Variants in ARHGEF4 observed in about 807,000 individuals in gnomAD.
ARHGEF4 encodes the protein APC-stimulated guanine nucleotide exchange factor 1.
In ARHGEF4, 119 loss-of-function variants were observed where a neutral mutation model predicts 162.0. The ratio of observed to expected loss-of-function variants is 0.73; its 90% confidence interval spans 0.63 to 0.86. The LOEUF is 0.86. ARHGEF4 is among the 40% of genes least tolerant of loss of function. The pLI is 0.00. For synonymous variants in ARHGEF4, 1,014 were observed against 979.9 expected (o/e 1.03, Z -0.65); for missense variants, 2,488 against 2,456.0 (o/e 1.01, Z -0.28).
chr2:130,962,594 T>C (rs1189383365), intron 4 of ARHGEF4, among the ~76,000 whole-genome samples: 2 of 152,036 alleles, frequency 1.3e-5, no homozygotes, highest in African/African-American at 4.8e-5. Flanking sequence ...GGAGCACATA[T>C]AGCTTCCGGA....
In ARHGEF4 at chr2:130,871,596, T is replaced by TAC. The variant is rs10585458; in HGVS notation, c.39+34619_39+34620dup. Among the ~76,000 whole-genome samples, 84 of 149,484 alleles carry TAC rather than the reference T, an allele frequency of 5.6e-4. 1 individual carries two copies. Among genetic ancestry groups the TAC allele is most frequent in the East Asian group, 1.6e-3 (8 of 5,106 alleles). Reference sequence around the variant, plus strand: ...ATATATACATACATATATATATGCATACACACACACACACACCTGCTTTCA... The same window carrying TAC: ...ATATATACATACATATATATATGCATACACACACACACACACACCTGCTTTCA... On this transcript the variant is annotated intron_variant, in intron 1 of 13. Coordinates refer to ENST00000409359, the MANE Select transcript of ARHGEF4 (RefSeq NM_001367493.1).
intron 1 of ARHGEF4, among the ~76,000 whole-genome samples, chr2:130,867,924 T>C (rs35171078): frequency 1.4e-5 from 2 of 144,012 alleles, no homozygotes; most frequent in South Asian, 2.2e-4. Flanking sequence ...TGTTTTTTTC[T>C]TTTTTTTTTT....
intron 1 of ARHGEF4, among the ~76,000 whole-genome samples, chr2:130,852,773 G>C (rs1055695670): frequency 6.6e-6 from 1 of 152,230 alleles, no homozygotes; most frequent in African/African-American, 2.4e-5. Context: ...TGGGGAGACA[G>C]TGAGATGCAG....
intron 5 of ARHGEF4, among the ~76,000 whole-genome samples, chr2:131,033,576 G>C (rs749199860): frequency 6.6e-6 from 1 of 152,184 alleles, no homozygotes; most frequent in Non-Finnish European, 1.5e-5. Flanking sequence ...GCATCCACAC[G>C]TCAGGGGTTC....
intron 4 of ARHGEF4, among the ~76,000 whole-genome samples, chr2:130,976,093 T>C (rs2105234657): frequency 6.6e-6 from 1 of 152,276 alleles, no homozygotes; most frequent in South Asian, 2.1e-4. Flanking sequence ...CTCCAGTCTC[T>C]GTGAAACAAG....
intron 4 of ARHGEF4, among the ~76,000 whole-genome samples, chr2:130,988,505 A>G (rs1166007489): frequency 6.6e-6 from 1 of 152,238 alleles, no homozygotes; most frequent in African/African-American, 2.4e-5. Flanking sequence ...TTTTACCAAA[A>G]AAATCATTCC....
chr2:130,976,320 C>A (rs917346248), intron 4 of ARHGEF4, among the ~76,000 whole-genome samples: 1 of 147,220 alleles, frequency 6.8e-6, no homozygotes, highest in South Asian at 2.2e-4. Flanking sequence ...AAAACTCATT[C>A]GGCCCCAGAA....
At chr2:130,922,254 G>A (rs936022439) in intron 2 of ARHGEF4, among the ~76,000 whole-genome samples, 4 of 151,428 alleles carry the variant, frequency 2.6e-5, no homozygotes, top group Admixed American at 6.6e-5. Flanking sequence ...GCATATAATC[G>A]CAGCTAGTTG....
intron 4 of ARHGEF4, among the ~76,000 whole-genome samples, chr2:130,970,680 T>C (rs567701885): frequency 6.6e-6 from 1 of 152,246 alleles, no homozygotes; most frequent in East Asian, 1.9e-4. Flanking sequence ...CTCCTAATGC[T>C]GAGCATCTTT....
intron 1 of ARHGEF4, among the ~76,000 whole-genome samples, chr2:130,893,703 C>G (rs1679992065): frequency 6.6e-6 from 1 of 152,176 alleles, no homozygotes; most frequent in Non-Finnish European, 1.5e-5. Flanking sequence ...TGGAGTTGAA[C>G]AAGGAGGAGA....
chr2:130,999,184 A>G (rs1216164896), intron 4 of ARHGEF4, among the ~76,000 whole-genome samples: 2 of 136,460 alleles, frequency 1.5e-5, no homozygotes, highest in Admixed American at 8.0e-5. Context: ...TTTGAGACGG[A>G]GTCTCGCTCT....
intron 1 of ARHGEF4, among the ~76,000 whole-genome samples, chr2:130,864,201 GAA>G (rs56982493): frequency 2.0e-5 from 2 of 101,608 alleles, no homozygotes; most frequent in African/African-American, 3.3e-5. Flanking sequence ...AAGAAAGAAA[GAA>G]AAAAAAAAAA....
chr2:130,979,455 G>A (rs1685967064), intron 4 of ARHGEF4, among the ~76,000 whole-genome samples: 1 of 152,132 alleles, frequency 6.6e-6, no homozygotes, highest in African/African-American at 2.4e-5. Context: ...CTTGAAATTG[G>A]CCAGGCGTGA....
chr2:130,901,232 G>T (rs554286354), intron 1 of ARHGEF4, among the ~76,000 whole-genome samples: 2 of 152,184 alleles, frequency 1.3e-5, no homozygotes, highest in African/African-American at 2.4e-5. Context: ...GCTGCTGGGT[G>T]GAGGGCCAGG....
At chr2:131,023,548 A>G (rs1689283320) in intron 4 of ARHGEF4, among the ~76,000 whole-genome samples, 1 of 152,264 alleles carries the variant, frequency 6.6e-6, no homozygotes, top group Non-Finnish European at 1.5e-5. Context: ...AATTGACACC[A>G]TGATGAGATA....
At chr2:131,035,359 C>T (rs1232231358) in intron 5 of ARHGEF4, 2 of 1,044,038 alleles carry the variant, frequency 1.9e-6, no homozygotes, top group Non-Finnish European at 2.4e-6. Context: ...GGAGGGAAGG[C>T]CTCCTTCCAC....
At chr2:130,867,799 T>A (rs1682389087) in intron 1 of ARHGEF4, among the ~76,000 whole-genome samples, 1 of 152,172 alleles carries the variant, frequency 6.6e-6, no homozygotes, top group African/African-American at 2.4e-5. Flanking sequence ...ATCCTTCACG[T>A]TCCAGCCTTC....
intron 4 of ARHGEF4, among the ~76,000 whole-genome samples, chr2:130,992,350 C>T (rs1298627077): frequency 1.3e-5 from 2 of 151,568 alleles, no homozygotes; most frequent in African/African-American, 4.8e-5. Context: ...CTTGCTACTG[C>T]TCACTCTTTG....
chr2:130,934,110 G>A (rs560174346), intron 3 of ARHGEF4, among the ~76,000 whole-genome samples: 40 of 152,296 alleles, frequency 2.6e-4, no homozygotes, highest in Non-Finnish European at 4.9e-4. Flanking sequence ...TCTATTTCTA[G>A]TGTTTTTATC....
Sources: gnomAD v4.1 joint callset for allele counts (sites outside exome capture counted in the v4.1 genomes callset) on GRCh38, gnomAD v4.1.1 for gene constraint, MANE v1.5 for transcripts, NCBI Gene and HGNC (gene_info 2026-07-23, HGNC 2026-07-21) for gene names.